CADM1: variants seen among roughly 807,000 people sequenced by gnomAD.
CADM1 encodes the protein cell adhesion molecule 1.
Under a neutral mutation model 53.1 loss-of-function variants are expected in CADM1, and 15 were observed. That is an observed-to-expected ratio of 0.28 (90% CI 0.19 to 0.44). The LOEUF (loss-of-function observed/expected upper bound fraction) is 0.44, where lower values mean the gene tolerates loss of function less well. CADM1 is among the 20% of genes least tolerant of loss of function. The pLI is 1.00. For missense variants in CADM1, 434 were observed against 611.3 expected, an observed-to-expected ratio of 0.71 and a Z score of 3.06; for synonymous variants, 281 against 243.0, an observed-to-expected ratio of 1.16 and a Z score of -1.45.
intron 1 of CADM1, among the ~76,000 whole-genome samples, chr11:115,422,447 G>T (rs1386533760): frequency 2.0e-5 from 3 of 152,168 alleles, no homozygotes; most frequent in African/African-American, 7.2e-5. Context: ...TCAAGAAGAT[G>T]ATCTCCAATT....
At chr11:115,416,902 A>G (rs188688977) in intron 1 of CADM1, among the ~76,000 whole-genome samples, 18 of 152,338 alleles carry the variant, frequency 1.2e-4, no homozygotes, top group African/African-American at 4.3e-4. Flanking sequence ...CACTGAATTT[A>G]ATTGACAGTA....
chr11:115,375,701 CAT>C (rs938943099), intron 1 of CADM1, among the ~76,000 whole-genome samples: 3 of 152,042 alleles, frequency 2.0e-5, no homozygotes, highest in African/African-American at 7.2e-5. Flanking sequence ...AATCCTGAAA[CAT>C]AGACCCATGA....
At chr11:115,453,385 A>C (rs1222718358) in intron 1 of CADM1, among the ~76,000 whole-genome samples, 7 of 134,432 alleles carry the variant, frequency 5.2e-5, no homozygotes, top group Non-Finnish European at 8.8e-5. Flanking sequence ...CCCAAAAAAA[A>C]CCAAAAAAAA....
At position 115,176,736 on chromosome 11, in the gene CADM1, C is replaced by A. The variant is rs945611057; in HGVS notation, c.1298-144G>T. On this transcript the variant is annotated intron_variant, in intron 11 of 11. Transcript: ENST00000331581. Reference sequence around the variant, plus strand: ...GGAAAAAACAATTGGAAGAAGAGAGCGGGGTGGGTGAGACAAAGGGGGATC... The same window carrying A: ...GGAAAAAACAATTGGAAGAAGAGAGAGGGGTGGGTGAGACAAAGGGGGATC... 2.7e-5 allele frequency: 20 copies of A among 746,422 alleles called. No homozygotes were observed. In the Admixed American group the frequency reaches 2.9e-4, roughly 11 times the overall value. 46.2% of individuals were successfully genotyped at this position (746,422 alleles called of 1,614,324 possible). A position where few individuals can be genotyped will look rare whatever the true frequency, so the allele number is the denominator to read the frequency against.
In CADM1 at chr11:115,332,948, T is replaced by C. The variant is rs537124225; in HGVS notation, c.125-92528A>G. 3.9e-5 allele frequency among the ~76,000 whole-genome samples: 6 copies of C among 152,102 alleles called. No homozygotes were observed. In the South Asian group the frequency reaches 1.2e-3, roughly 32 times the overall value. On this transcript the variant is annotated intron_variant, in intron 1 of 11. Coordinates refer to ENST00000331581, the MANE Select transcript of CADM1 (RefSeq NM_001301043.2). ...CACTCCAGCCAAACACTAGCTGACA[T>C]TTTCTCCCCAGGAACTCTTCACTTC...
At chr11:115,263,367 G>A (rs1013184771) in intron 1 of CADM1, among the ~76,000 whole-genome samples, 1 of 152,174 alleles carries the variant, frequency 6.6e-6, no homozygotes, top group Non-Finnish European at 1.5e-5. Context: ...AACCACCAGA[G>A]GAATTAATAA....
intron 1 of CADM1, among the ~76,000 whole-genome samples, chr11:115,468,545 G>T (rs1377679832): frequency 2.6e-5 from 4 of 152,198 alleles, no homozygotes; most frequent in African/African-American, 7.2e-5. Context: ...TTACAGGGGT[G>T]TGTCTGTGTG....
Position 115,369,026 on chromosome 11 carries a change from T to TAAAAAAAAAAAAAAAA in CADM1, c.125-128622_125-128607dup, listed in dbSNP as rs552309443. Among the ~76,000 whole-genome samples, 83 of 44,748 alleles carry TAAAAAAAAAAAAAAAA rather than the reference T, an allele frequency of 1.9e-3. 9 individuals carry two copies. Among genetic ancestry groups the TAAAAAAAAAAAAAAAA allele is most frequent in the Middle Eastern group, 0.024 (1 of 42 alleles). The allele number at this position is 44,748 out of a possible 152,430, so 29.4% of individuals were successfully genotyped here. A position where few individuals can be genotyped will look rare whatever the true frequency, so the allele number is the denominator to read the frequency against. On this transcript the variant is annotated intron_variant, in intron 1 of 11. Transcript: ENST00000331581. ...GTGCCTAGCAGAGTGAAAAAAAATCTAAAAAAAAAAAAAAAAAAAAAAAAA... is the reference window on the plus strand; with the variant it reads ...GTGCCTAGCAGAGTGAAAAAAAATCTAAAAAAAAAAAAAAAAAAAAAAAAAAAAAAAAAAAAAAAAA...
At chr11:115,434,728 A>G (rs561562548) in intron 1 of CADM1, among the ~76,000 whole-genome samples, 2 of 152,252 alleles carry the variant, frequency 1.3e-5, no homozygotes, top group East Asian at 3.9e-4. Context: ...GCCACTCTTC[A>G]GGCCACTGAG....
At chr11:115,496,476 A>G (rs1349186563) in intron 1 of CADM1, among the ~76,000 whole-genome samples, 2 of 152,190 alleles carry the variant, frequency 1.3e-5, no homozygotes, top group Admixed American at 1.3e-4. Flanking sequence ...ATCAGGATTA[A>G]GCTGAAAAGT....
intron 1 of CADM1, among the ~76,000 whole-genome samples, chr11:115,354,895 T>C (rs1251721796): frequency 6.6e-6 from 1 of 152,208 alleles, no homozygotes; most frequent in East Asian, 1.9e-4. Flanking sequence ...ATTCATTTCA[T>C]TCATCCCAAT....
At chr11:115,239,676 T>C (rs1942146872) in intron 2 of CADM1, among the ~76,000 whole-genome samples, 1 of 152,052 alleles carries the variant, frequency 6.6e-6, no homozygotes, top group Admixed American at 6.6e-5. Flanking sequence ...ATGCTTCGCT[T>C]TGGTTAGGCA....
At chr11:115,371,545 TAGTA>T (rs1346520486) in intron 1 of CADM1, among the ~76,000 whole-genome samples, 17 of 148,148 alleles carry the variant, frequency 1.1e-4, no homozygotes, top group African/African-American at 4.1e-4. Context: ...TAAAAAGAAA[TAGTA>T]AGATAATTTA....
At chr11:115,294,074 G>C (rs1943981979) in intron 1 of CADM1, among the ~76,000 whole-genome samples, 1 of 152,152 alleles carries the variant, frequency 6.6e-6, no homozygotes, top group African/African-American at 2.4e-5. Flanking sequence ...TATTAGGTGG[G>C]GTGAAGTATC....
intron 5 of CADM1, among the ~76,000 whole-genome samples, chr11:115,220,227 T>C (rs1039309875): frequency 6.6e-6 from 1 of 152,094 alleles, no homozygotes; most frequent in Non-Finnish European, 1.5e-5. Flanking sequence ...CATAGTGCAC[T>C]AAGGATTTTA....
chr11:115,311,452 T>C (rs557396911), intron 1 of CADM1, among the ~76,000 whole-genome samples: 4 of 152,252 alleles, frequency 2.6e-5, no homozygotes, highest in African/African-American at 9.6e-5. Flanking sequence ...AGTCCTGCCA[T>C]TGGTCCTGCA....
intron 8 of CADM1, among the ~76,000 whole-genome samples, chr11:115,203,615 A>G (rs554087278): frequency 5.9e-5 from 9 of 152,342 alleles, no homozygotes; most frequent in African/African-American, 1.9e-4. Flanking sequence ...TTTAGTATGA[A>G]AACATGTCAT....
At chr11:115,375,677 A>G (rs547472576) in intron 1 of CADM1, among the ~76,000 whole-genome samples, 1 of 152,270 alleles carries the variant, frequency 6.6e-6, no homozygotes, top group South Asian at 2.1e-4. Flanking sequence ...GTAGTCTCTA[A>G]TTATATTGGA....
At chr11:115,333,961 C>T (rs1316945132) in intron 1 of CADM1, among the ~76,000 whole-genome samples, 2 of 152,084 alleles carry the variant, frequency 1.3e-5, no homozygotes, top group African/African-American at 4.8e-5. Flanking sequence ...AAGTGAGGTT[C>T]CTTCCTTTTC....
Sources: allele counts gnomAD v4.1 joint callset (sites outside exome capture counted in the v4.1 genomes callset), GRCh38; gene constraint gnomAD v4.1.1; transcripts MANE v1.5; gene names NCBI Gene and HGNC (gene_info 2026-07-23, HGNC 2026-07-21).